The following RGS6 variants were observed in gnomAD, a reference collection of about 807,000 sequenced individuals.
RGS6 encodes the protein regulator of G-protein signaling 6.
A neutral mutation model predicts 78.5 loss-of-function variants in RGS6; 30 were observed. The ratio of observed to expected loss-of-function variants is 0.38; its 90% CI spans 0.29 to 0.52. The LOEUF is 0.52. Among genes scored for constraint, RGS6 ranks in the 20% least tolerant of loss-of-function variants. RGS6 has a pLI of 0.85. For synonymous variants in RGS6, 206 were observed against 206.0 expected (o/e 1.00, Z 0.00); for missense variants, 495 against 609.7 (o/e 0.81, Z 1.98).
the RGS6 span, among the ~76,000 whole-genome samples, chr14:71,925,326 G>A: frequency 3.3e-5 from 5 of 152,120 alleles, no homozygotes; most frequent in Non-Finnish European, 7.4e-5. Flanking sequence ...TAGACATAAG[G>A]CTTGCAGGTA....
At chr14:72,175,797 A>G (rs1336200625) in intron 2 of RGS6, among the ~76,000 whole-genome samples, 1 of 152,158 alleles carries the variant, frequency 6.6e-6, no homozygotes, top group African/African-American at 2.4e-5. Context: ...GAAATGCTAC[A>G]GCAGCACGGC....
chr14:72,114,964 G>A (rs2095853523), intron 2 of RGS6, among the ~76,000 whole-genome samples: 1 of 152,200 alleles, frequency 6.6e-6, no homozygotes, highest in Admixed American at 6.5e-5. Flanking sequence ...TGTTTTGTGG[G>A]AAGAATCACA....
rs187196980 is a variant in RGS6 at position 72,098,633 on chromosome 14, T to C, written c.84+133758T>C. On this transcript the variant is annotated intron_variant, in intron 2 of 17. Transcript: ENST00000553525. ...CCAACATTTATCAGGAGACTGTACA[T>C]AAAAATACAGAGTTCCAGTTTCCCT... Among the ~76,000 whole-genome samples the C allele has an allele frequency of 7.2e-3, 1,092 of 152,338 alleles. 39 individuals are homozygous for C. Among genetic ancestry groups the C allele is most frequent in the Admixed American group, 0.062 (955 of 15,308 alleles).
the RGS6 span, among the ~76,000 whole-genome samples, chr14:71,925,591 A>G: frequency 6.6e-6 from 1 of 152,096 alleles, no homozygotes; most frequent in Non-Finnish European, 1.5e-5. Flanking sequence ...ATGGTGTAAG[A>G]TAAGGGTCCA....
intron 2 of RGS6, among the ~76,000 whole-genome samples, chr14:72,339,428 A>T (rs1376157076): frequency 6.6e-6 from 1 of 152,238 alleles, no homozygotes; most frequent in Non-Finnish European, 1.5e-5. Flanking sequence ...TATTTTGCTG[A>T]TAGTAGTCCA....
intron 3 of RGS6, among the ~76,000 whole-genome samples, chr14:72,438,854 C>G (rs1394804672): frequency 6.6e-6 from 1 of 152,226 alleles, no homozygotes; most frequent in Admixed American, 6.5e-5. Context: ...CTTTTAAAAC[C>G]TGACACAGCC....
chr14:72,543,407 C>G (rs1258937285), intron 17 of RGS6, among the ~76,000 whole-genome samples: 15 of 152,220 alleles, frequency 9.9e-5, no homozygotes, highest in Admixed American at 9.8e-4. Flanking sequence ...GCCCCCAATA[C>G]ATGGCCTCAG....
At chr14:72,544,506 G>A (rs1289381188) in intron 17 of RGS6, among the ~76,000 whole-genome samples, 1 of 152,198 alleles carries the variant, frequency 6.6e-6, no homozygotes, top group Non-Finnish European at 1.5e-5. Context: ...GGCCACGGAG[G>A]AGAAGGGAGA....
At chr14:72,612,808 C>T in the RGS6 span, among the ~76,000 whole-genome samples, 1 of 152,202 alleles carries the variant, frequency 6.6e-6, no homozygotes, top group African/African-American at 2.4e-5. Flanking sequence ...GGAGAGAGGT[C>T]GCGGAGCCAG....
the RGS6 span, among the ~76,000 whole-genome samples, chr14:72,600,989 A>AGAG: frequency 0.017 from 2,284 of 134,718 alleles, 58 homozygotes; most frequent in African/African-American, 0.06. Flanking sequence ...AGGGAGAGGA[A>AGAG]GAGGAGGAGG....
upstream of RGS6, among the ~76,000 whole-genome samples, chr14:71,931,304 G>C (rs1317207776): frequency 6.6e-6 from 1 of 151,616 alleles, no homozygotes; most frequent in Non-Finnish European, 1.5e-5. Context: ...ATGTCTGCTT[G>C]TGTGTTATCC....
intron 2 of RGS6, among the ~76,000 whole-genome samples, chr14:72,265,562 A>G (rs1283864569): frequency 3.3e-5 from 5 of 152,058 alleles, no homozygotes; most frequent in Non-Finnish European, 7.4e-5. Context: ...TAGAGCTTGC[A>G]ACCACCCCCT....
At chr14:72,593,686 A>G in the RGS6 span, among the ~76,000 whole-genome samples, 1 of 152,278 alleles carries the variant, frequency 6.6e-6, no homozygotes, top group East Asian at 1.9e-4. Flanking sequence ...CGTGCCCAAC[A>G]GAAGTCTGTG....
At chr14:71,930,234 A>G (rs1364042565), upstream of RGS6, among the ~76,000 whole-genome samples, 1 of 152,214 alleles carries the variant, frequency 6.6e-6, no homozygotes, top group Non-Finnish European at 1.5e-5. Flanking sequence ...TTCAAGGCAC[A>G]TAGCTAGATC....
intron 2 of RGS6, among the ~76,000 whole-genome samples, chr14:72,012,789 G>A (rs1405511829): frequency 6.6e-6 from 1 of 152,196 alleles, no homozygotes; most frequent in Non-Finnish European, 1.5e-5. Context: ...TGGGCTAGTT[G>A]TGAACCTCTC....
At chr14:72,253,613 C>G (rs2056375087) in intron 2 of RGS6, among the ~76,000 whole-genome samples, 1 of 152,154 alleles carries the variant, frequency 6.6e-6, no homozygotes, top group African/African-American at 2.4e-5. Context: ...CCCACCCCTG[C>G]CATAGGATTT....
chr14:71,896,803 A>T, the RGS6 span, among the ~76,000 whole-genome samples: 1 of 152,232 alleles, frequency 6.6e-6, no homozygotes, highest in African/African-American at 2.4e-5. Flanking sequence ...CTGATTAGGG[A>T]TAACTTTCTT....
intron 2 of RGS6, among the ~76,000 whole-genome samples, chr14:72,198,447 C>G (rs907886535): frequency 6.6e-6 from 1 of 152,230 alleles, no homozygotes; most frequent in African/African-American, 2.4e-5. Flanking sequence ...GGACAATAGA[C>G]TAAATAATCC....
intron 3 of RGS6, among the ~76,000 whole-genome samples, chr14:72,403,212 G>A (rs913622909): frequency 3.3e-5 from 5 of 152,226 alleles, no homozygotes; most frequent in Non-Finnish European, 5.9e-5. Context: ...AGTGTCCATC[G>A]ACAGATGAAT....
Sources: gnomAD v4.1 joint callset for allele counts (sites outside exome capture counted in the v4.1 genomes callset) on GRCh38, gnomAD v4.1.1 for gene constraint, MANE v1.5 for transcripts, NCBI Gene and HGNC (gene_info 2026-07-23, HGNC 2026-07-21) for gene names.